Variants in PTPRC observed in about 807,000 individuals in gnomAD.
The protein encoded by PTPRC is receptor-type tyrosine-protein phosphatase C.
PTPRC carries 44 observed loss-of-function variants against 155.9 expected under a neutral mutation model. The observed-to-expected ratio is 0.28, with a 90% CI of 0.22 to 0.36. The LOEUF is 0.36. Ranked by LOEUF, PTPRC falls within the 10% of genes least tolerant of loss-of-function variation. The pLI is 1.00. For missense variants in PTPRC, 1,401 were observed against 1,564.6 expected, an observed-to-expected ratio of 0.90 and a Z score of 1.76; for synonymous variants, 525 against 533.1, an observed-to-expected ratio of 0.98 and a Z score of 0.21.
At position 198,712,238 on chromosome 1, in the gene PTPRC, G is replaced by C. The variant is rs187666458; in HGVS notation, c.1172-715G>C. ...AGTGCAATATGTTAGGAGTGAAAAA[G>C]TACTTACTGTTTGTTTCATTTTATT... is the stretch of plus-strand genomic sequence containing the variant. On this transcript the variant is annotated intron_variant, in intron 11 of 32. Transcript: ENST00000442510. Among the ~76,000 whole-genome samples the C allele has an allele frequency of 2.1e-3, 322 of 152,314 alleles. 1 individual carries two copies. Among genetic ancestry groups the C allele is most frequent in the Middle Eastern group, 0.017 (5 of 294 alleles).
At chr1:198,741,196 A>G (rs1654883528) in intron 23 of PTPRC, among the ~76,000 whole-genome samples, 1 of 151,812 alleles carries the variant, frequency 6.6e-6, no homozygotes, top group Admixed American at 6.6e-5. Flanking sequence ...TGTTATCTAA[A>G]TGTAGATGGT....
At chr1:198,707,700 C>T (rs141205019) in intron 9 of PTPRC, among the ~76,000 whole-genome samples, 79 of 152,180 alleles carry the variant, frequency 5.2e-4, no homozygotes, top group African/African-American at 1.9e-3. Context: ...CAGAAGATGA[C>T]AATACTTAAA....
intron 2 of PTPRC, chr1:198,660,623 CT>C (rs986149947): frequency 2.0e-5 from 3 of 151,878 alleles, no homozygotes; most frequent in African/African-American, 7.3e-5. Context: ...ATCAACTTAC[CT>C]TTTTGAAAGA....
intron 7 of PTPRC, among the ~76,000 whole-genome samples, chr1:198,704,214 C>T (rs534983587): frequency 1.7e-4 from 26 of 152,142 alleles, no homozygotes; most frequent in African/African-American, 4.8e-4. Flanking sequence ...CAATTAGATG[C>T]GTACCTAAAA....
In PTPRC at chr1:198,744,132, C is replaced by T. The variant is rs1161583439; in HGVS notation, c.2776C>T (p.His926Tyr). The change falls in exon 26 of 33, where the codon CAT (histidine) becomes TAT (tyrosine). Residue 926 changes from histidine (H) to tyrosine (Y), a missense_variant. His to Tyr is a moderately conservative substitution (Grantham distance 83). This residue lies in a region of PTPRC where 134 missense variants were observed against 204.7 expected (regional missense o/e 0.65). Coordinates refer to ENST00000442510, the MANE Select transcript of PTPRC (RefSeq NM_002838.5). ...AACAGAAGTGAATTTGTCTGAATTA[C>T]ATCCATATCTACATAACATGAAGAA... is the stretch of plus-strand genomic sequence containing the variant. Reference protein sequence around the residue: ...GETEVNLSELHPYLHNMKKRD... With the variant: ...GETEVNLSELYPYLHNMKKRD... The T allele has an allele frequency of 3.7e-6, 6 of 1,604,772 alleles. No homozygotes were observed. In the South Asian group the frequency reaches 5.5e-5, roughly 15 times the overall value.
chr1:198,692,753 T>C (rs1665996775), intron 3 of PTPRC: 3 of 928,314 alleles, frequency 3.2e-6, no homozygotes, highest in Non-Finnish European at 3.9e-6. Context: ...GTTATAGATA[T>C]GTAGATAACA....
At chr1:198,676,659 A>G (rs1664972125) in intron 2 of PTPRC, among the ~76,000 whole-genome samples, 1 of 152,116 alleles carries the variant, frequency 6.6e-6, no homozygotes, top group South Asian at 2.1e-4. Flanking sequence ...TTGAGTTGGT[A>G]TCTTTTTGAG....
Position 198,639,154 on chromosome 1 carries a change from T to C in PTPRC, c.-44+17T>C. On this transcript the variant is annotated intron_variant, in intron 1 of 32. Transcript: ENST00000442510. ...CAGTGGAGAGTATGCATTTATTTAT[T>C]TACTTTTACATTTTTGATTCGTTTT... is the stretch of plus-strand genomic sequence containing the variant. 1 of 847,148 alleles carries C rather than the reference T, an allele frequency of 1.2e-6. No homozygotes were observed. Among genetic ancestry groups the C allele is most frequent in the Non-Finnish European group, 2.0e-6 (1 of 490,302 alleles). 52.5% of individuals were successfully genotyped at this position (847,148 alleles called of 1,614,324 possible). A position where few individuals can be genotyped will look rare whatever the true frequency, so the allele number is the denominator to read the frequency against.
intron 2 of PTPRC, among the ~76,000 whole-genome samples, chr1:198,657,309 C>T (rs184029251): frequency 6.6e-6 from 1 of 151,602 alleles, no homozygotes; most frequent in East Asian, 1.9e-4. Context: ...CATCAGATTA[C>T]TCGTGCTTTC....
intron 4 of PTPRC, 68 bp downstream of exon 4, chr1:198,696,977 T>TACA: frequency 1.5e-6 from 2 of 1,356,330 alleles, no homozygotes; most frequent in Non-Finnish European, 2.1e-6. Flanking sequence ...CAGTTATCAG[T>TACA]ACAACTTGTC....
intron 28 of PTPRC, among the ~76,000 whole-genome samples, chr1:198,749,788 A>G (rs1655297676): frequency 6.6e-6 from 1 of 151,866 alleles, no homozygotes; most frequent in Non-Finnish European, 1.5e-5. Flanking sequence ...ATTTTATGAC[A>G]AATATAGCTA....
intron 2 of PTPRC, among the ~76,000 whole-genome samples, chr1:198,691,570 A>G (rs940045568): frequency 2.6e-5 from 4 of 151,962 alleles, no homozygotes; most frequent in African/African-American, 9.7e-5. Context: ...TTGCTCTTTA[A>G]TAATCCATTT....
chr1:198,743,067 C>CAAAAAAAAAAA (rs10628640), intron 25 of PTPRC, among the ~76,000 whole-genome samples: 5 of 75,914 alleles, frequency 6.6e-5, no homozygotes, highest in Non-Finnish European at 1.0e-4. Flanking sequence ...GTCAAAATAG[C>CAAAAAAAAAAA]AAAAAAAAAA....
intron 4 of PTPRC, among the ~76,000 whole-genome samples, chr1:198,697,244 A>C (rs1020779506): frequency 8.5e-5 from 13 of 152,150 alleles, no homozygotes; most frequent in African/African-American, 3.1e-4. Flanking sequence ...GAATTTCCCT[A>C]GTTCAGAGAT....
chr1:198,746,036 G>A (rs549913951), intron 26 of PTPRC, among the ~76,000 whole-genome samples: 2 of 151,942 alleles, frequency 1.3e-5, no homozygotes, highest in East Asian at 3.9e-4. Flanking sequence ...GGATGACTGG[G>A]AAGTGGAGGG....
intron 2 of PTPRC, chr1:198,666,998 C>T (rs976131533): frequency 1.3e-5 from 2 of 152,178 alleles, no homozygotes; most frequent in African/African-American, 2.4e-5. Context: ...AAGCAACTTA[C>T]GATATTTTGA....
At chr1:198,737,842 T>G (rs1211488064) in intron 23 of PTPRC, among the ~76,000 whole-genome samples, 1 of 151,738 alleles carries the variant, frequency 6.6e-6, no homozygotes, top group Non-Finnish European at 1.5e-5. Context: ...CTTGCATCAA[T>G]GTTTCATAGT....
chr1:198,674,885 G>T (rs1330307160), intron 2 of PTPRC, among the ~76,000 whole-genome samples: 1 of 152,098 alleles, frequency 6.6e-6, no homozygotes. Flanking sequence ...TGGGTACAAT[G>T]CTATTAACCA....
At chr1:198,653,438 A>T (rs1001504398) in intron 2 of PTPRC, among the ~76,000 whole-genome samples, 1 of 151,874 alleles carries the variant, frequency 6.6e-6, no homozygotes, top group Non-Finnish European at 1.5e-5. Context: ...AAAAGTTGAA[A>T]TCTTGATTAA....
Sources: allele counts gnomAD v4.1 joint callset (sites outside exome capture counted in the v4.1 genomes callset), GRCh38; gene constraint gnomAD v4.1.1; regional missense constraint gnomAD v4.1.1; transcripts MANE v1.5; gene names NCBI Gene and HGNC (gene_info 2026-07-23, HGNC 2026-07-21).